PPM1E: variants seen among roughly 807,000 people sequenced by gnomAD.
The protein encoded by PPM1E is protein phosphatase 1E.
Under a neutral mutation model 65.9 loss-of-function variants are expected in PPM1E, and 20 were observed. The observed-to-expected ratio is 0.30, with a 90% confidence interval of 0.21 to 0.44. The LOEUF (loss-of-function observed/expected upper bound fraction) is 0.44, where lower values mean the gene tolerates loss of function less well. Ranked by LOEUF, PPM1E falls within the 20% of genes least tolerant of loss-of-function variation. The probability of loss-of-function intolerance (pLI) is 1.00; values close to 1 mark genes in which losing one functional copy is unlikely to be tolerated. For synonymous variants in PPM1E, 352 were observed against 374.9 expected (o/e 0.94, Z 0.70); for missense variants, 713 against 953.1 (o/e 0.75, Z 3.32).
intron 1 of PPM1E, among the ~76,000 whole-genome samples, chr17:58,807,011 G>C (rs1479510840): frequency 6.6e-6 from 1 of 151,626 alleles, no homozygotes; most frequent in Non-Finnish European, 1.5e-5. Context: ...GCCTTGTTTT[G>C]TGTTTTCTAC....
At chr17:58,883,863 T>G (rs2051235307) in intron 1 of PPM1E, among the ~76,000 whole-genome samples, 1 of 152,138 alleles carries the variant, frequency 6.6e-6, no homozygotes, top group African/African-American at 2.4e-5. Flanking sequence ...GCTTGTAGAT[T>G]TTCAGTTTTA....
At chr17:58,923,837 C>T (rs1426326391) in intron 1 of PPM1E, among the ~76,000 whole-genome samples, 1 of 151,518 alleles carries the variant, frequency 6.6e-6, no homozygotes, top group Non-Finnish European at 1.5e-5. Flanking sequence ...TTGTTTGAGC[C>T]CAGGAATTCG....
At chr17:58,963,977 AC>A (rs545639019) in intron 2 of PPM1E, among the ~76,000 whole-genome samples, 71 of 152,294 alleles carry the variant, frequency 4.7e-4, no homozygotes, top group African/African-American at 1.7e-3. Context: ...AAAGGACAAA[AC>A]CTTGAGGTCA....
intron 1 of PPM1E, among the ~76,000 whole-genome samples, chr17:58,869,836 C>A (rs899987056): frequency 6.6e-6 from 1 of 152,106 alleles, no homozygotes; most frequent in African/African-American, 2.4e-5. Flanking sequence ...TGCTTCAGAA[C>A]ATTTATGGAA....
intron 1 of PPM1E, among the ~76,000 whole-genome samples, chr17:58,801,283 CT>C (rs2143052506): frequency 6.6e-6 from 1 of 152,102 alleles, no homozygotes; most frequent in South Asian, 2.1e-4. Flanking sequence ...CCACTTTTTC[CT>C]TTGATTCTGT....
intron 1 of PPM1E, among the ~76,000 whole-genome samples, chr17:58,918,885 T>G (rs561455199): frequency 5.3e-5 from 8 of 151,036 alleles, no homozygotes; most frequent in Non-Finnish European, 8.8e-5. Flanking sequence ...AGATGCAGAA[T>G]TAGCCAAAGC....
intron 1 of PPM1E, among the ~76,000 whole-genome samples, chr17:58,824,338 G>A (rs1189763273): frequency 6.6e-6 from 1 of 151,946 alleles, no homozygotes; most frequent in Non-Finnish European, 1.5e-5. Flanking sequence ...CTTTACATAG[G>A]CACAGATCCT....
At chr17:58,946,546 C>G (rs1454045704) in intron 1 of PPM1E, among the ~76,000 whole-genome samples, 1 of 152,140 alleles carries the variant, frequency 6.6e-6, no homozygotes, top group African/African-American at 2.4e-5. Context: ...GCCTTGGACT[C>G]TGGGCTTAAA....
At chr17:58,830,694 A>G (rs911433218) in intron 1 of PPM1E, among the ~76,000 whole-genome samples, 1 of 151,068 alleles carries the variant, frequency 6.6e-6, no homozygotes, top group Non-Finnish European at 1.5e-5. Flanking sequence ...ATTTTTTATT[A>G]TTATTTTTTG....
intron 1 of PPM1E, among the ~76,000 whole-genome samples, chr17:58,812,426 G>A (rs924410440): frequency 6.6e-5 from 10 of 151,978 alleles, no homozygotes; most frequent in African/African-American, 2.4e-4. Flanking sequence ...GAAAATGGTA[G>A]GAGATTGAAG....
rs890265019 is a variant in PPM1E at position 58,982,147 on chromosome 17, T to G, written c.*1116T>G. The G allele has an allele frequency of 1.3e-5, 2 of 152,634 alleles. No individual in the cohort carries two copies. Among genetic ancestry groups the G allele is most frequent in the African/African-American group, 2.4e-5 (1 of 41,440 alleles). 9.5% of individuals were successfully genotyped at this position (152,634 alleles called of 1,614,324 possible). On this transcript the variant is annotated 3_prime_UTR_variant, in exon 7 of 7. Coordinates refer to ENST00000308249, the MANE Select transcript of PPM1E (RefSeq NM_014906.5). ...GCAGATTACTGACAGCCAGGTCTGT[T>G]TAGTTGTAATTGGAAGACACATGAG... is the stretch of plus-strand genomic sequence containing the variant.
chr17:58,822,440 G>A (rs1230037377), intron 1 of PPM1E, among the ~76,000 whole-genome samples: 2 of 151,644 alleles, frequency 1.3e-5, no homozygotes, highest in Non-Finnish European at 2.9e-5. Context: ...TTCTGATTCT[G>A]TTATAGGTTA....
chr17:58,831,118 C>T (rs2050602072), intron 1 of PPM1E, among the ~76,000 whole-genome samples: 1 of 151,362 alleles, frequency 6.6e-6, no homozygotes, highest in Non-Finnish European at 1.5e-5. Flanking sequence ...TCAAGTGATT[C>T]TCCTGCCTCA....
rs1289212716 is a variant in PPM1E at position 58,756,196 on chromosome 17, G to C, written c.199G>C (p.Gly67Arg). ...EAAEASVEEP[G>R]EEAATVAATE... ...GGCCGAGGCTTCGGTAGAGGAACCC[G>C]GGGAGGAGGCGGCCACGGTAGCCGC... The change falls in exon 1 of 7, where the codon GGG becomes CGG. Residue 67 changes from glycine to arginine, a missense_variant. Gly to Arg is a moderately radical substitution (Grantham distance 125). Transcript: ENST00000308249. 1 of 1,561,588 alleles carries C rather than the reference G, an allele frequency of 6.4e-7. No individual in the cohort carries two copies. The highest frequency in any genetic ancestry group is 1.2e-5 in the South Asian group (1 of 85,250).
chr17:58,857,862 T>C (rs1196605344), intron 1 of PPM1E, among the ~76,000 whole-genome samples: 2 of 152,194 alleles, frequency 1.3e-5, no homozygotes, highest in African/African-American at 2.4e-5. Context: ...GAAGCTACTC[T>C]ATCGTAGCAG....
At chr17:58,769,481 C>T (rs2049915196) in intron 1 of PPM1E, among the ~76,000 whole-genome samples, 1 of 152,100 alleles carries the variant, frequency 6.6e-6, no homozygotes, top group Non-Finnish European at 1.5e-5. Flanking sequence ...CCTGTAGTCC[C>T]AGCTACTCGG....
intron 1 of PPM1E, among the ~76,000 whole-genome samples, chr17:58,809,594 GAC>G (rs1240914622): frequency 6.6e-6 from 1 of 152,012 alleles, no homozygotes; most frequent in Non-Finnish European, 1.5e-5. Flanking sequence ...ATGTTTCCCA[GAC>G]TGGTCTCAAA....
chr17:58,916,908 T>G (rs370897655), intron 1 of PPM1E, among the ~76,000 whole-genome samples: 2 of 152,158 alleles, frequency 1.3e-5, no homozygotes, highest in South Asian at 4.1e-4. Flanking sequence ...ATTCCCTCAG[T>G]AACTGTAAGA....
intron 1 of PPM1E, among the ~76,000 whole-genome samples, chr17:58,834,772 G>A (rs1029206409): frequency 5.3e-5 from 8 of 152,032 alleles, no homozygotes; most frequent in South Asian, 2.1e-4. Context: ...CAATACGACC[G>A]TTTAACTGTT....
Sources: allele counts gnomAD v4.1 joint callset (sites outside exome capture counted in the v4.1 genomes callset), GRCh38; gene constraint gnomAD v4.1.1; transcripts MANE v1.5; gene names NCBI Gene and HGNC (gene_info 2026-07-23, HGNC 2026-07-21).